RORA: variants seen among roughly 807,000 people sequenced by gnomAD.
The protein encoded by RORA is nuclear receptor ROR-alpha.
A neutral mutation model predicts 69.5 loss-of-function variants in RORA; 7 were observed. The observed-to-expected ratio is 0.10, with a 90% CI of 0.06 to 0.19. The LOEUF is 0.19. Among genes scored for constraint, RORA ranks in the 10% least tolerant of loss-of-function variants. The pLI is 1.00. For missense variants in RORA, 457 were observed against 663.0 expected (o/e 0.69, Z 3.41); for synonymous variants, 261 against 240.8 (o/e 1.08, Z -0.78).
At chr15:60,808,007 T>G (rs2072682908) in intron 1 of RORA, among the ~76,000 whole-genome samples, 1 of 152,172 alleles carries the variant, frequency 6.6e-6, no homozygotes, top group African/African-American at 2.4e-5. Context: ...TTCTAGACAT[T>G]GGCTTAGGCA....
intron 1 of RORA, among the ~76,000 whole-genome samples, chr15:60,785,633 G>T (rs1048766467): frequency 2.0e-5 from 3 of 152,134 alleles, no homozygotes; most frequent in Non-Finnish European, 4.4e-5. Context: ...GCTTCCTCAC[G>T]TTTCAGGGCT....
At chr15:60,515,939 T>A (rs28706223) in intron 3 of RORA, among the ~76,000 whole-genome samples, 1 of 32,552 alleles carries the variant, frequency 3.1e-5, no homozygotes, top group African/African-American at 1.6e-4. Flanking sequence ...ATATATATAT[T>A]TATATATATT....
At chr15:60,864,484 G>GT (rs11388901) in intron 1 of RORA, among the ~76,000 whole-genome samples, 69,805 of 147,432 alleles carry the variant, frequency 0.47, 16,555 homozygotes, top group South Asian at 0.53. Context: ...TACCATCCTT[G>GT]TTTTTTTTTT....
chr15:60,542,664 C>T (rs1166155318), intron 2 of RORA, among the ~76,000 whole-genome samples: 5 of 146,474 alleles, frequency 3.4e-5, no homozygotes, highest in African/African-American at 1.3e-4. Flanking sequence ...ACACCTCACA[C>T]ACATGGCACA....
rs529319446 is a variant in RORA, at chr15:61,056,314, G to C, written c.166+172739C>G. On this transcript the variant is annotated intron_variant, in intron 1 of 10. Transcript: ENST00000335670. ...TCCTTCCATTAGATGAAGAAGCTGAGGTTCAGAGACGTTAAGCATCTTGTC... is the reference window on the plus strand; with the variant it reads ...TCCTTCCATTAGATGAAGAAGCTGACGTTCAGAGACGTTAAGCATCTTGTC... Among the ~76,000 whole-genome samples the C allele has an allele frequency of 2.6e-5, 4 of 152,274 alleles. No individual in the cohort carries two copies. The South Asian group carries it at 8.3e-4, about 32-fold the overall frequency.
intron 1 of RORA, among the ~76,000 whole-genome samples, chr15:61,041,619 C>G (rs1442439231): frequency 1.3e-5 from 2 of 152,130 alleles, no homozygotes; most frequent in Admixed American, 1.3e-4. Flanking sequence ...AGTGCACTGG[C>G]ACAATCATAG....
chr15:60,687,349 T>TCC (rs2070764784), intron 1 of RORA, among the ~76,000 whole-genome samples: 1 of 152,190 alleles, frequency 6.6e-6, no homozygotes, highest in Non-Finnish European at 1.5e-5. Context: ...AGAAGACATA[T>TCC]GAAAAACTGA....
intron 1 of RORA, among the ~76,000 whole-genome samples, chr15:61,029,641 A>G (rs1265156178): frequency 6.6e-6 from 1 of 152,182 alleles, no homozygotes. Flanking sequence ...AAAGATGTGT[A>G]AGATGTTAAA....
At chr15:60,565,277 G>C (rs1224198402) in intron 2 of RORA, among the ~76,000 whole-genome samples, 1 of 151,924 alleles carries the variant, frequency 6.6e-6, no homozygotes, top group Non-Finnish European at 1.5e-5. Context: ...GCTTTTTCTT[G>C]CAACTAGAAG....
chr15:61,204,741 A>G (rs1399951708), intron 1 of RORA, among the ~76,000 whole-genome samples: 1 of 152,272 alleles, frequency 6.6e-6, no homozygotes, highest in African/African-American at 2.4e-5. Context: ...TGGTATTATG[A>G]CATGCAGCTT....
At position 61,019,339 on chromosome 15, in the gene RORA, C is replaced by T. The variant is rs73422412; in HGVS notation, c.166+209714G>A. Among the ~76,000 whole-genome samples, 538 of 152,344 alleles carry T rather than the reference C, an allele frequency of 3.5e-3. 4 individuals are homozygous for T. Among genetic ancestry groups the T allele is most frequent in the African/African-American group, 0.012 (507 of 41,580 alleles). On this transcript the variant is annotated intron_variant, in intron 1 of 10. Transcript: ENST00000335670. ...TTCCCCATGTCTGTCCTTCATCATG[C>T]CCTTTCTTTAAAGAAAAAAGAAAGT... is the stretch of plus-strand genomic sequence containing the variant.
At chr15:60,933,998 T>C (rs1424983354) in intron 1 of RORA, among the ~76,000 whole-genome samples, 1 of 152,216 alleles carries the variant, frequency 6.6e-6, no homozygotes, top group East Asian at 1.9e-4. Context: ...CAGCTGACAG[T>C]CGTTCGGTAA....
chr15:61,039,908 A>G (rs938537939), intron 1 of RORA, among the ~76,000 whole-genome samples: 3 of 151,542 alleles, frequency 2.0e-5, no homozygotes, highest in Admixed American at 2.0e-4. Flanking sequence ...TTTTTAACAA[A>G]GGACCCAGGT....
intron 1 of RORA, among the ~76,000 whole-genome samples, chr15:61,113,833 T>C (rs1265115847): frequency 6.6e-6 from 1 of 152,222 alleles, no homozygotes; most frequent in Non-Finnish European, 1.5e-5. Flanking sequence ...TGCCATAAAA[T>C]CAACGTCCTT....
In RORA at chr15:60,643,146, C is replaced by T. The variant is rs565347932; in HGVS notation, c.196+35511G>A. Among the ~76,000 whole-genome samples the T allele has an allele frequency of 3.9e-5, 6 of 152,248 alleles. 1 individual carries two copies. The South Asian group carries it at 8.3e-4, about 21-fold the overall frequency. On this transcript the variant is annotated intron_variant, in intron 2 of 10. Coordinates refer to ENST00000335670, the MANE Select transcript of RORA (RefSeq NM_134261.3). ...CACTCCATCAGCCTGGGCGACAGAG[C>T]GAAACTTGGTCTCAAAACAAATACA...
intron 1 of RORA, among the ~76,000 whole-genome samples, chr15:60,839,507 C>G (rs1306289013): frequency 1.3e-5 from 2 of 152,192 alleles, no homozygotes; most frequent in African/African-American, 4.8e-5. Context: ...CACAGAAAGC[C>G]ACACAGCATA....
intron 1 of RORA, among the ~76,000 whole-genome samples, chr15:61,164,685 T>G (rs1401776500): frequency 6.6e-6 from 1 of 152,134 alleles, no homozygotes. Context: ...TTATCACAAA[T>G]TCTGCATCAG....
intron 2 of RORA, among the ~76,000 whole-genome samples, chr15:60,663,840 A>G (rs1185854542): frequency 6.6e-6 from 1 of 152,254 alleles, no homozygotes; most frequent in Non-Finnish European, 1.5e-5. Flanking sequence ...GGTCACACAC[A>G]GAATGTGAGA....
At chr15:61,024,617 A>ATAT (rs1037260038) in intron 1 of RORA, among the ~76,000 whole-genome samples, 40 of 151,372 alleles carry the variant, frequency 2.6e-4, no homozygotes, top group African/African-American at 9.5e-4. Context: ...CGCCCAGCTA[A>ATAT]TTTTTGTATT....
Sources: allele counts gnomAD v4.1 joint callset (sites outside exome capture counted in the v4.1 genomes callset), GRCh38; gene constraint gnomAD v4.1.1; transcripts MANE v1.5; gene names NCBI Gene and HGNC (gene_info 2026-07-23, HGNC 2026-07-21).